The following NHLRC2 variants were observed in gnomAD, a reference collection of about 807,000 sequenced individuals.
The protein encoded by NHLRC2 is NHL repeat containing 2.
In NHLRC2, 33 loss-of-function variants were observed where a neutral mutation model predicts 68.1. The ratio of observed to expected loss-of-function variants is 0.48; its 90% CI spans 0.37 to 0.65. The LOEUF is 0.65. Ranked by LOEUF, NHLRC2 falls within the 30% of genes least tolerant of loss-of-function variation. The probability of loss-of-function intolerance (pLI) is 0.00; values close to 1 mark genes in which losing one functional copy is unlikely to be tolerated. For synonymous variants in NHLRC2, 311 were observed against 309.6 expected (o/e 1.00, Z -0.05); for missense variants, 761 against 853.8 (o/e 0.89, Z 1.35).
chr10:113,903,249 T>A (rs1564858990), intron 8 of NHLRC2, among the ~76,000 whole-genome samples: 1 of 152,168 alleles, frequency 6.6e-6, no homozygotes, highest in Non-Finnish European at 1.5e-5. Flanking sequence ...AAATTTTTTT[T>A]AATTCCAGAA....
At position 113,910,752 on chromosome 10, in the gene NHLRC2, C is replaced by T. The variant is rs1846320808; in HGVS notation, c.*2216C>T. 6.6e-6 allele frequency: 1 copy of T among 152,138 alleles called. No homozygotes were observed. The highest frequency in any genetic ancestry group is 2.1e-4 in the South Asian group (1 of 4,836). The allele number at this position is 152,138 out of a possible 1,614,324, so 9.4% of individuals were successfully genotyped here. A position where few individuals can be genotyped will look rare whatever the true frequency, so the allele number is the denominator to read the frequency against. ...AAAATGCAAAGGCATTTTTTAGACT[C>T]TATTCCCCTTCATTTGTCTAGACAG... is the stretch of plus-strand genomic sequence containing the variant. On this transcript the variant is annotated 3_prime_UTR_variant, in exon 11 of 11. Transcript: ENST00000369301.
chr10:113,875,994 C>T lies in NHLRC2; in HGVS notation c.332-527C>T, dbSNP rs1348253818. ...AGTATGTTTTCAGCAGTTCTGTCTA[C>T]AGAAAGGCTTGTTCTAAGAACCATA... On this transcript the variant is annotated intron_variant, in intron 2 of 10. Transcript: ENST00000369301. 4.0e-5 allele frequency among the ~76,000 whole-genome samples: 6 copies of T among 149,014 alleles called. No individual in the cohort carries two copies. The Admixed American group carries it at 4.0e-4, about 10-fold the overall frequency.
chr10:113,858,775 C>G, intron 2 of NHLRC2, 95 bp downstream of exon 2: 1 of 814,958 alleles, frequency 1.2e-6, no homozygotes, highest in Non-Finnish European at 2.0e-6. Context: ...GAACATTTGG[C>G]AAGGCTTCAG....
intron 2 of NHLRC2, among the ~76,000 whole-genome samples, chr10:113,864,765 A>G (rs1257888100): frequency 6.6e-6 from 1 of 151,672 alleles, no homozygotes; most frequent in Non-Finnish European, 1.5e-5. Flanking sequence ...TGAACCTTAC[A>G]AGGTCAGAAT....
chr10:113,875,578 C>T (rs888488434), intron 2 of NHLRC2, among the ~76,000 whole-genome samples: 1 of 152,164 alleles, frequency 6.6e-6, no homozygotes, highest in Non-Finnish European at 1.5e-5. Context: ...AAATTGGCAG[C>T]TCACTCTTCT....
rs1846349917 is a variant in NHLRC2 at position 113,913,713 on chromosome 10, T to A, written c.*5177T>A. The stretch of plus-strand genomic sequence containing the variant: ...TCTGGAAATACAGTCTTCTGCTTTC[T>A]TGTTTCATAAATAACACTGGTATGC... On this transcript the variant is annotated 3_prime_UTR_variant, in exon 11 of 11. Transcript: ENST00000369301. The A allele has an allele frequency of 6.6e-6, 1 of 152,216 alleles. No homozygotes were observed. Among genetic ancestry groups the A allele is most frequent in the Non-Finnish European group, 1.5e-5 (1 of 68,050 alleles). 9.4% of individuals were successfully genotyped at this position (152,216 alleles called of 1,614,324 possible).
intron 2 of NHLRC2, among the ~76,000 whole-genome samples, chr10:113,867,190 C>T (rs1845875590): frequency 6.6e-6 from 1 of 152,210 alleles, no homozygotes; most frequent in Admixed American, 6.5e-5. Context: ...TGAAAACCCT[C>T]CCGAAATCTA....
chr10:113,895,349 G>A (rs1846167216), intron 5 of NHLRC2, among the ~76,000 whole-genome samples: 1 of 152,196 alleles, frequency 6.6e-6, no homozygotes. Context: ...AAAGCTGCTG[G>A]CCTCTTAGAC....
rs1410135868 is a variant in NHLRC2 at position 113,913,539 on chromosome 10, A to G, written c.*5003A>G. Reference sequence around the variant, plus strand: ...GTTAGTTCTCAACAGTGCTGTTTCAAAAGTTGTTTTAAAAGTTCTAACGGT... The same window carrying G: ...GTTAGTTCTCAACAGTGCTGTTTCAGAAGTTGTTTTAAAAGTTCTAACGGT... On this transcript the variant is annotated 3_prime_UTR_variant, in exon 11 of 11. Transcript: ENST00000369301. 1 of 152,218 alleles carries G rather than the reference A, an allele frequency of 6.6e-6. No homozygotes were observed. Among genetic ancestry groups the G allele is most frequent in the Non-Finnish European group, 1.5e-5 (1 of 68,038 alleles). 9.4% of individuals were successfully genotyped at this position (152,218 alleles called of 1,614,324 possible).
intron 4 of NHLRC2, among the ~76,000 whole-genome samples, chr10:113,882,420 T>C (rs11196537): frequency 0.39 from 59,008 of 151,634 alleles, 13,476 homozygotes; most frequent in Middle Eastern, 0.54. Flanking sequence ...TGGCATCTCA[T>C]TGTGGTTTTG....
At chr10:113,875,959 A>G (rs1159087016) in intron 2 of NHLRC2, among the ~76,000 whole-genome samples, 1 of 150,688 alleles carries the variant, frequency 6.6e-6, no homozygotes, top group Non-Finnish European at 1.5e-5. Context: ...TGTATTGATT[A>G]GATAAGAGAA....
chr10:113,914,979 C>T lies in NHLRC2; in HGVS notation c.*6443C>T, dbSNP rs1208273457. The T allele has an allele frequency of 2.2e-6, 1 of 456,144 alleles. No individual in the cohort carries two copies. Among genetic ancestry groups the T allele is most frequent in the African/African-American group, 2.0e-5 (1 of 50,082 alleles). 28.3% of individuals were successfully genotyped at this position (456,144 alleles called of 1,614,324 possible). A position where few individuals can be genotyped will look rare whatever the true frequency, so the allele number is the denominator to read the frequency against. On this transcript the variant is annotated 3_prime_UTR_variant, in exon 11 of 11. Transcript: ENST00000369301. ...CAGGCTTGCAGAAGGCTGCCCCAAT[C>T]ACAGAGCCTGGGTAAGGTGGAACAG... is the stretch of plus-strand genomic sequence containing the variant.
chr10:113,886,847 G>A (rs1194249911), intron 5 of NHLRC2, among the ~76,000 whole-genome samples: 2 of 152,096 alleles, frequency 1.3e-5, no homozygotes, highest in Non-Finnish European at 2.9e-5. Flanking sequence ...AAAAACACAG[G>A]CAACGAAAGC....
rs1455492540 is a variant in NHLRC2, at chr10:113,914,501, G to A, written c.*5965G>A. On this transcript the variant is annotated 3_prime_UTR_variant, in exon 11 of 11. Coordinates refer to ENST00000369301, the MANE Select transcript of NHLRC2 (RefSeq NM_198514.4). Reference sequence around the variant, plus strand: ...ACTATTAAAAGGAATTAAGCAAAATGCTACGTACCAATGATTATGATTCAT... The same window carrying A: ...ACTATTAAAAGGAATTAAGCAAAATACTACGTACCAATGATTATGATTCAT... 6.0e-6 allele frequency: 1 copy of A among 166,392 alleles called. No individual in the cohort carries two copies. The highest frequency in any genetic ancestry group is 1.3e-5 in the Non-Finnish European group (1 of 77,146). 10.3% of individuals were successfully genotyped at this position (166,392 alleles called of 1,614,324 possible).
Position 113,909,392 on chromosome 10 carries a change from G to C in NHLRC2, c.*856G>C, listed in dbSNP as rs1413956428. On this transcript the variant is annotated 3_prime_UTR_variant, in exon 11 of 11. Coordinates refer to ENST00000369301, the MANE Select transcript of NHLRC2 (RefSeq NM_198514.4). ...GCTAAATCTGATGGTTACATATCTT[G>C]TTTTGGAAATGTACATTTCACTTGT... 6.6e-6 allele frequency: 1 copy of C among 152,086 alleles called. No homozygotes were observed. Among genetic ancestry groups the C allele is most frequent in the Non-Finnish European group, 1.5e-5 (1 of 68,002 alleles). 9.4% of individuals were successfully genotyped at this position (152,086 alleles called of 1,614,324 possible).
chr10:113,855,797 C>A (rs1845749223), intron 1 of NHLRC2, among the ~76,000 whole-genome samples: 3 of 152,218 alleles, frequency 2.0e-5, no homozygotes, highest in Admixed American at 2.0e-4. Flanking sequence ...CCGCGCCCGG[C>A]CTGCCACACA....
rs562557191 is a variant in NHLRC2, at chr10:113,915,089, G to A, written c.*6553G>A. The A allele has an allele frequency of 5.7e-5, 26 of 456,274 alleles. No individual in the cohort carries two copies. Among genetic ancestry groups the A allele is most frequent in the South Asian group, 3.9e-4 (25 of 64,562 alleles). The allele number at this position is 456,274 out of a possible 1,614,324, so 28.3% of individuals were successfully genotyped here. A position where few individuals can be genotyped will look rare whatever the true frequency, so the allele number is the denominator to read the frequency against. On this transcript the variant is annotated 3_prime_UTR_variant, in exon 11 of 11. Transcript: ENST00000369301. ...GGTTTAATTCTTTTCAAGGGTTGGA[G>A]TTGGAAAGTGAAAACCCTAGACACT... is the stretch of plus-strand genomic sequence containing the variant.
chr10:113,895,288 G>C (rs1301012639), intron 5 of NHLRC2, among the ~76,000 whole-genome samples: 1 of 152,178 alleles, frequency 6.6e-6, no homozygotes, highest in African/African-American at 2.4e-5. Context: ...TGAGCATTTG[G>C]CATGTGCCAG....
chr10:113,907,727 T>C (rs1485258802), intron 10 of NHLRC2, among the ~76,000 whole-genome samples: 1 of 152,216 alleles, frequency 6.6e-6, no homozygotes, highest in Non-Finnish European at 1.5e-5. Context: ...AGAATAGATA[T>C]GCAATGGTAC....
Sources: gnomAD v4.1 joint callset for allele counts (sites outside exome capture counted in the v4.1 genomes callset) on GRCh38, gnomAD v4.1.1 for gene constraint, MANE v1.5 for transcripts, NCBI Gene and HGNC (gene_info 2026-07-23, HGNC 2026-07-21) for gene names.